The following PKP1 variants were observed in gnomAD, a reference collection of about 807,000 sequenced individuals.
PKP1 encodes the protein plakophilin 1, also known as plakophilin-1.
A neutral mutation model predicts 76.4 loss-of-function variants in PKP1; 27 were observed. The observed-to-expected ratio is 0.35, with a 90% CI of 0.26 to 0.49. PKP1 has a LOEUF of 0.49. PKP1 is among the 20% of genes least tolerant of loss of function. The pLI, the probability that PKP1 is intolerant of heterozygous loss-of-function variation, is 0.99. For synonymous variants in PKP1, 404 were observed against 384.2 expected, an observed-to-expected ratio of 1.05 and a Z score of -0.60; for missense variants, 964 against 955.2, an observed-to-expected ratio of 1.01 and a Z score of -0.12.
At chr1:201,307,303 G>A (rs1204122106) in intron 2 of PKP1, among the ~76,000 whole-genome samples, 1 of 152,206 alleles carries the variant, frequency 6.6e-6, no homozygotes, top group Non-Finnish European at 1.5e-5. Context: ...CAGTGTTCCA[G>A]GAAAAGAAAG....
rs373487370 is a variant in PKP1, at chr1:201,321,964, T to C, written c.1348-14T>C. 1.7e-5 allele frequency: 28 copies of C among 1,613,720 alleles called. No homozygotes were observed. In the African/African-American group the frequency reaches 3.2e-4, roughly 18 times the overall value. On this transcript the variant is annotated splice_polypyrimidine_tract_variant and intron_variant, in intron 7 of 13. Coordinates refer to ENST00000367324, the MANE Select transcript of PKP1 (RefSeq NM_001005337.3). ...GGGCAGAGGCTCAGGCCCATGCCTCTCCTTGGTCCCCAGTCTGTGGAAAAC... is the reference window on the plus strand; with the variant it reads ...GGGCAGAGGCTCAGGCCCATGCCTCCCCTTGGTCCCCAGTCTGTGGAAAAC...
At position 201,316,639 on chromosome 1, in the gene PKP1, C is replaced by T. The variant is rs767514466; in HGVS notation, c.788C>T (p.Ala263Val). Residue 263 changes from alanine (A) to valine (V), a missense_variant, in exon 4 of 14, where the codon GCC becomes GTC. By Grantham distance (64) the Ala-to-Val change is moderately conservative. Transcript: ENST00000367324. The stretch of plus-strand genomic sequence containing the variant: ...AGCTCCCAGGATGAGAAGTACCAGG[C>T]CATTGGGGCCTATTACATCCAGCAT... ...YLSSQDEKYQ[A>V]IGAYYIQHTC... The T allele has an allele frequency of 1.9e-6, 3 of 1,613,678 alleles. No individual in the cohort carries two copies. The highest frequency in any genetic ancestry group is 2.5e-6 in the Non-Finnish European group (3 of 1,179,874).
At chr1:201,322,961 G>A (rs1656993039) in intron 8 of PKP1, 52 bp from the exon 9 acceptor site, 4 of 1,572,134 alleles carry the variant, frequency 2.5e-6, no homozygotes, top group Non-Finnish European at 1.7e-6. Flanking sequence ...CCTGGGTTGT[G>A]TCCTCTCACA....
In PKP1 at chr1:201,283,664, T is replaced by A. The variant is rs1034708929; in HGVS notation, c.-39T>A. ...CGCACCTCGCCTCGCCTCTCTGCTC[T>A]CCTAGGCCCCGGCCGCGCGCCACCC... On this transcript the variant is annotated 5_prime_UTR_variant, in exon 1 of 14. Transcript: ENST00000367324. 3 of 1,582,244 alleles carry A rather than the reference T, an allele frequency of 1.9e-6. No individual in the cohort carries two copies. The Admixed American group carries it at 5.1e-5, about 27-fold the overall frequency.
Position 201,305,889 on chromosome 1 carries a change from C to A in PKP1, c.307-7277C>A, listed in dbSNP as rs186115893. ...TGAACCATCACTGGGACAATTGAAC[C>A]AGCCTCTGGGTTTGAAAGCCAGGAG... is the stretch of plus-strand genomic sequence containing the variant. On this transcript the variant is annotated intron_variant, in intron 2 of 13. Coordinates refer to ENST00000367324, the MANE Select transcript of PKP1 (RefSeq NM_001005337.3). Among the ~76,000 whole-genome samples the A allele has an allele frequency of 1.5e-4, 23 of 152,318 alleles. 1 individual carries two copies. Among genetic ancestry groups the A allele is most frequent in the Admixed American group, 9.1e-4 (14 of 15,304 alleles).
chr1:201,316,117 C>CGGACGGATGGATGGATGGATGGATGGAT (rs1310818473), intron 3 of PKP1: 1 of 36,098 alleles, frequency 2.8e-5, no homozygotes, highest in South Asian at 9.6e-4. Context: ...GATGGATGGA[C>CGGACGGATGGATGGATGGATGGATGGAT]GGATGGACGG....
chr1:201,306,830 G>A (rs1045273064), intron 2 of PKP1, among the ~76,000 whole-genome samples: 1 of 125,346 alleles, frequency 8.0e-6, no homozygotes, highest in South Asian at 3.4e-4. Context: ...GCCCACCACC[G>A]TGCCTGGCTA....
At chr1:201,323,270 C>G (rs993097962) in intron 9 of PKP1, 81 bp downstream of exon 9, 13 of 1,377,000 alleles carry the variant, frequency 9.4e-6, no homozygotes, top group African/African-American at 7.1e-5. Flanking sequence ...CTTTTCCCCC[C>G]AGCCTGTCCC....
intron 13 of PKP1, 118 bp downstream of exon 13, chr1:201,328,986 C>A: frequency 1.3e-6 from 1 of 746,076 alleles, no homozygotes; most frequent in Non-Finnish European, 2.4e-6. Flanking sequence ...TTTTGCCTGG[C>A]TCTGGACAAC....
chr1:201,304,954 A>G (rs1656332507), intron 2 of PKP1, among the ~76,000 whole-genome samples: 1 of 152,222 alleles, frequency 6.6e-6, no homozygotes, highest in African/African-American at 2.4e-5. Flanking sequence ...GATAATCACA[A>G]GGTGATGAAC....
At chr1:201,328,525 A>C in intron 12 of PKP1, 2 of 585,760 alleles carry the variant, frequency 3.4e-6, no homozygotes, top group Non-Finnish European at 6.2e-6. Context: ...CTGCAAATGC[A>C]AGTAGGAAAT....
At chr1:201,326,690 G>C (rs1657136924) in intron 12 of PKP1, among the ~76,000 whole-genome samples, 1 of 152,238 alleles carries the variant, frequency 6.6e-6, no homozygotes, top group Non-Finnish European at 1.5e-5. Flanking sequence ...GGGAGTCCAG[G>C]CTGGAGGTGG....
chr1:201,303,266 C>T (rs890249459), intron 2 of PKP1, among the ~76,000 whole-genome samples: 2 of 152,132 alleles, frequency 1.3e-5, no homozygotes, highest in African/African-American at 4.8e-5. Flanking sequence ...AATCCTCCCG[C>T]CTCAGACTTC....
chr1:201,311,302 G>T (rs960079849), intron 2 of PKP1, among the ~76,000 whole-genome samples: 4 of 152,194 alleles, frequency 2.6e-5, no homozygotes, highest in African/African-American at 9.7e-5. Context: ...TTGCCCAGCT[G>T]CTCTCCCCAT....
chr1:201,316,764 G>A (rs914437274), intron 4 of PKP1, 67 bp downstream of exon 4: 83 of 1,577,764 alleles, frequency 5.3e-5, no homozygotes, highest in Middle Eastern at 2.2e-4. Context: ...GCCTGACTCC[G>A]CTTTTAGAGA....
chr1:201,329,614 G>A (rs6685490), intron 13 of PKP1, among the ~76,000 whole-genome samples: 1 of 152,044 alleles, frequency 6.6e-6, no homozygotes, highest in African/African-American at 2.4e-5. Flanking sequence ...AAATAGCCTG[G>A]GATCAAGACA....
chr1:201,288,102 G>T (rs1036874115), intron 1 of PKP1, among the ~76,000 whole-genome samples: 1 of 152,146 alleles, frequency 6.6e-6, no homozygotes, highest in Non-Finnish European at 1.5e-5. Flanking sequence ...GCTGTGCTGT[G>T]TCAGGAGCCC....
In PKP1 at chr1:201,316,562, T is replaced by C; in HGVS notation, c.711T>C (p.Ser237=). 1 of 1,607,848 alleles carries C rather than the reference T, an allele frequency of 6.2e-7. No homozygotes were observed. The highest frequency in any genetic ancestry group is 8.5e-7 in the Non-Finnish European group (1 of 1,177,060). ...GHSRASSKIC[S]EDIECSGLTI... is the part of the protein sequence containing the mutation. ...TGCCTATTCTTCACAGGATCTGCAG[T>C]GAGGACATCGAGTGCAGTGGGCTGA... is the stretch of plus-strand genomic sequence containing the variant. The change falls in exon 4 of 14, where the codon AGT becomes AGC. Residue 237 remains serine, a synonymous_variant. Coordinates refer to ENST00000367324, the MANE Select transcript of PKP1 (RefSeq NM_001005337.3).
At chr1:201,316,838 C>A in intron 4 of PKP1, 141 bp downstream of exon 4, 1 of 870,046 alleles carries the variant, frequency 1.1e-6, no homozygotes, top group Non-Finnish European at 1.8e-6. Flanking sequence ...CTTCGCATTG[C>A]CCAAGGTTAG....
Sources: gnomAD v4.1 joint callset for allele counts (sites outside exome capture counted in the v4.1 genomes callset) on GRCh38, gnomAD v4.1.1 for gene constraint, MANE v1.5 for transcripts, NCBI Gene and HGNC (gene_info 2026-07-23, HGNC 2026-07-21) for gene names.